DLGAP2: variants seen among roughly 807,000 people sequenced by gnomAD.
DLGAP2 encodes disks large-associated protein 2.
Under a neutral mutation model 100.3 loss-of-function variants are expected in DLGAP2, and 26 were observed. The ratio of observed to expected loss-of-function variants is 0.26; its 90% CI spans 0.19 to 0.36. The LOEUF (loss-of-function observed/expected upper bound fraction) is 0.36. DLGAP2 is among the 10% of genes least tolerant of loss of function. The pLI, the probability that DLGAP2 is intolerant of heterozygous loss-of-function variation, is 1.00. For missense variants in DLGAP2, 1,858 were observed against 1,453.2 expected (o/e 1.28, Z -4.53); for synonymous variants, 886 against 630.1 (o/e 1.41, Z -6.08).
chr8:1,347,244 G>T (rs1424402612), intron 3 of DLGAP2, among the ~76,000 whole-genome samples: 3 of 151,012 alleles, frequency 2.0e-5, no homozygotes, highest in East Asian at 3.9e-4. Context: ...AATGGTGGCT[G>T]TGTGTAGGTT....
intron 3 of DLGAP2, among the ~76,000 whole-genome samples, chr8:1,294,220 C>G (rs7386739): frequency 0.19 from 28,903 of 152,164 alleles, 2,957 homozygotes; most frequent in East Asian, 0.32. Flanking sequence ...CCTTGCCAGT[C>G]ATTCAGGTTA....
intron 2 of DLGAP2, among the ~76,000 whole-genome samples, chr8:1,198,532 T>C (rs1263107874): frequency 1.3e-5 from 2 of 152,016 alleles, no homozygotes; most frequent in African/African-American, 4.8e-5. Flanking sequence ...GGGAAGGGGC[T>C]GCGAGGAGGG....
chr8:1,616,143 T>C (rs1049429991), intron 6 of DLGAP2, among the ~76,000 whole-genome samples: 2 of 151,984 alleles, frequency 1.3e-5, no homozygotes, highest in African/African-American at 4.8e-5. Flanking sequence ...TAAGAGCGAA[T>C]TGAGAGAGCA....
rs375512859 is a variant in DLGAP2 at position 1,646,872 on chromosome 8, G to A, written c.1810+13826G>A. 1.6e-4 allele frequency among the ~76,000 whole-genome samples: 25 copies of A among 152,288 alleles called. No individual in the cohort carries two copies. In the East Asian group the frequency reaches 3.3e-3, roughly 20 times the overall value. ...CAGGTGGGCTTGGAAAGCCAGCGTCGAAAACTTTTGTCCCTTCTTCTAATC... is the reference window on the plus strand; with the variant it reads ...CAGGTGGGCTTGGAAAGCCAGCGTCAAAAACTTTTGTCCCTTCTTCTAATC... On this transcript the variant is annotated intron_variant, in intron 8 of 14. Transcript: ENST00000637795.
At chr8:1,688,994 C>A (rs1799183463) in intron 12 of DLGAP2, among the ~76,000 whole-genome samples, 1 of 152,218 alleles carries the variant, frequency 6.6e-6, no homozygotes, top group Admixed American at 6.5e-5. Flanking sequence ...GGAGGAGACA[C>A]TGCAGCACCC....
At chr8:1,378,651 C>T (rs143759799) in intron 3 of DLGAP2, among the ~76,000 whole-genome samples, 82 of 152,370 alleles carry the variant, frequency 5.4e-4, no homozygotes, top group African/African-American at 1.9e-3. Context: ...ATCTGTCCGT[C>T]CTGCACACAT....
intron 5 of DLGAP2, among the ~76,000 whole-genome samples, chr8:1,557,444 G>T (rs539874888): frequency 6.6e-6 from 1 of 152,120 alleles, no homozygotes; most frequent in Non-Finnish European, 1.5e-5. Context: ...GAGGACACAG[G>T]ATGGGGCAGA....
chr8:1,461,203 C>T (rs1798462010), intron 3 of DLGAP2, among the ~76,000 whole-genome samples: 1 of 139,348 alleles, frequency 7.2e-6, no homozygotes, highest in African/African-American at 2.7e-5. Flanking sequence ...GGTGCAGTCG[C>T]TGATTCGGTG....
At chr8:848,147 C>G (rs1044867636) in intron 1 of DLGAP2, among the ~76,000 whole-genome samples, 1 of 152,158 alleles carries the variant, frequency 6.6e-6, no homozygotes, top group African/African-American at 2.4e-5. Flanking sequence ...TGGAGTTTAC[C>G]AGAGGCAACC....
At chr8:742,012 G>A (rs528886628) in intron 1 of DLGAP2, among the ~76,000 whole-genome samples, 2 of 152,330 alleles carry the variant, frequency 1.3e-5, no homozygotes, top group South Asian at 2.1e-4. Context: ...TCCTGAGGAT[G>A]CTGTTGGAAG....
chr8:1,299,757 C>T (rs962841698), intron 3 of DLGAP2, among the ~76,000 whole-genome samples: 4 of 152,030 alleles, frequency 2.6e-5, no homozygotes, highest in African/African-American at 9.7e-5. Flanking sequence ...ATCTACAATC[C>T]CCCCTGGACT....
At chr8:1,417,459 C>G (rs1489622730) in intron 3 of DLGAP2, among the ~76,000 whole-genome samples, 2 of 152,190 alleles carry the variant, frequency 1.3e-5, no homozygotes, top group East Asian at 1.9e-4. Context: ...TTTGTGTTCT[C>G]TTACTGTGAA....
At chr8:1,674,109 A>C (rs1166130064) in intron 10 of DLGAP2, among the ~76,000 whole-genome samples, 1 of 152,190 alleles carries the variant, frequency 6.6e-6, no homozygotes, top group Non-Finnish European at 1.5e-5. Context: ...GATGTAGTAC[A>C]GTGGTGCAAT....
At chr8:1,242,273 G>T (rs1798813282) in intron 2 of DLGAP2, among the ~76,000 whole-genome samples, 3 of 152,170 alleles carry the variant, frequency 2.0e-5, no homozygotes, top group African/African-American at 7.2e-5. Context: ...GAAAGGGGTT[G>T]GTTGTCAGAC....
chr8:1,266,246 C>T (rs1799447868), intron 3 of DLGAP2, among the ~76,000 whole-genome samples: 1 of 151,962 alleles, frequency 6.6e-6, no homozygotes, highest in Admixed American at 6.6e-5. Context: ...TGACTTCAGT[C>T]CCCTTTTGGC....
chr8:1,552,223 G>T (rs2130528911), intron 5 of DLGAP2, among the ~76,000 whole-genome samples: 1 of 152,342 alleles, frequency 6.6e-6, no homozygotes, highest in South Asian at 2.1e-4. Context: ...GGGAAGCACT[G>T]CCCGGAGGAT....
rs756480561 is a variant in DLGAP2 at position 1,549,367 on chromosome 8, G to A, written c.914G>A (p.Ser305Asn). The change falls in exon 5 of 15, where the codon AGC (serine) becomes AAC (asparagine). Residue 305 changes from serine to asparagine, a missense_variant. By Grantham distance (46) the Ser-to-Asn change is conservative (BLOSUM62 1). Coordinates refer to ENST00000637795, the MANE Select transcript of DLGAP2 (RefSeq NM_001346810.2). ...SWWSSDDNLDSDSTYRTPSVL... is the reference protein window; with the variant it reads ...SWWSSDDNLDNDSTYRTPSVL... ...TGGAGCTCGGACGACAACCTGGACA[G>A]CGACAGCACCTATCGGACGCCCAGC... is the stretch of plus-strand genomic sequence containing the variant. 3.1e-6 allele frequency: 5 copies of A among 1,613,468 alleles called. No individual in the cohort carries two copies. Among genetic ancestry groups the A allele is most frequent in the Non-Finnish European group, 3.4e-6 (4 of 1,179,796 alleles).
chr8:1,281,132 G>A (rs1412798955), intron 3 of DLGAP2, among the ~76,000 whole-genome samples: 3 of 152,130 alleles, frequency 2.0e-5, no homozygotes, highest in African/African-American at 4.8e-5. Context: ...CTAACCCACC[G>A]TAATTGCTTA....
chr8:1,443,608 G>T (rs1269776910), intron 3 of DLGAP2, among the ~76,000 whole-genome samples: 2 of 152,182 alleles, frequency 1.3e-5, no homozygotes, highest in African/African-American at 2.4e-5. Context: ...GGCTGGGGAG[G>T]CCTCACGATC....
Sources: allele counts gnomAD v4.1 joint callset (sites outside exome capture counted in the v4.1 genomes callset), GRCh38; gene constraint gnomAD v4.1.1; transcripts MANE v1.5; gene names NCBI Gene and HGNC (gene_info 2026-07-23, HGNC 2026-07-21).